GBF1: variants seen among roughly 807,000 people sequenced by gnomAD.
GBF1 encodes golgi brefeldin A resistant guanine nucleotide exchange factor 1.
GBF1 carries 114 observed loss-of-function variants against 210.5 expected under a neutral mutation model. The ratio of observed to expected loss-of-function variants is 0.54; its 90% CI spans 0.47 to 0.63. GBF1 has a LOEUF of 0.63. GBF1 is among the 30% of genes least tolerant of loss of function. The pLI, the probability that GBF1 is intolerant of heterozygous loss-of-function variation, is 0.00. For synonymous variants in GBF1, 850 were observed against 889.2 expected, an observed-to-expected ratio of 0.96 and a Z score of 0.78; for missense variants, 1,851 against 2,357.7, an observed-to-expected ratio of 0.79 and a Z score of 4.45.
intron 3 of GBF1, among the ~76,000 whole-genome samples, chr10:102,319,838 C>T (rs1302934297): frequency 6.7e-6 from 1 of 149,516 alleles, no homozygotes; most frequent in East Asian, 2.0e-4. Context: ...AAGCAATTTT[C>T]CTGCCTCTGC....
At chr10:102,348,956 C>A (rs1020772654) in intron 4 of GBF1, among the ~76,000 whole-genome samples, 3 of 152,102 alleles carry the variant, frequency 2.0e-5, no homozygotes, top group African/African-American at 4.8e-5. Context: ...CAAGACCAGC[C>A]TGGACAATAT....
rs773430635 is a variant in GBF1 at position 102,363,291 on chromosome 10, A to G, written c.1912A>G (p.Met638Val). Residue 638 changes from methionine to valine, a missense_variant, in exon 16 of 40, where the codon ATG becomes GTG. Met to Val is a conservative substitution (Grantham distance 21). This residue lies in a region of GBF1 where 804 missense variants were observed against 958.6 expected (regional missense o/e 0.84). Transcript: ENST00000369983. This position sits in a 1 kb window ranked among gnomAD's most constrained non-coding sequence, Gnocchi z 4.2. ...RTASDGKAVG[M>V]ASDIPGLHLP... ...TGCCAGCGATGGGAAAGCTGTAGGC[A>G]TGGCCTCAGACATCCCAGGCCTGCA... 6 of 1,613,688 alleles carry G rather than the reference A, an allele frequency of 3.7e-6. No individual in the cohort carries two copies. Among genetic ancestry groups the G allele is most frequent in the South Asian group, 1.1e-5 (1 of 91,034 alleles).
chr10:102,241,147 G>T (rs529360444), upstream of GBF1, among the ~76,000 whole-genome samples: 1 of 152,210 alleles, frequency 6.6e-6, no homozygotes, highest in South Asian at 2.1e-4. The surrounding 1 kb of genome is among the most constrained non-coding windows in gnomAD (Gnocchi z 6.7). Context: ...CCTATCCCCT[G>T]GTTCTTACCC....
intron 3 of GBF1, among the ~76,000 whole-genome samples, chr10:102,306,639 G>A (rs998310124): frequency 3.9e-5 from 6 of 152,166 alleles, no homozygotes; most frequent in African/African-American, 1.4e-4. Flanking sequence ...GGCCAGGTTG[G>A]TCTTGATCTC....
chr10:102,280,980 G>C (rs2075427132), intron 3 of GBF1, among the ~76,000 whole-genome samples: 1 of 151,932 alleles, frequency 6.6e-6, no homozygotes, highest in Non-Finnish European at 1.5e-5. Flanking sequence ...TTTTTCCCAG[G>C]GCAGAGCAGG....
At chr10:102,360,623 G>A (rs928060209) in intron 12 of GBF1, among the ~76,000 whole-genome samples, 14 of 152,310 alleles carry the variant, frequency 9.2e-5, no homozygotes, top group Admixed American at 7.2e-4. Context: ...GGACCTCAGT[G>A]ACACCTTCAC....
At position 102,340,482 on chromosome 10, in the gene GBF1, C is replaced by T. The variant is rs186010931; in HGVS notation, c.164-3569C>T. ...TAGAGACGGGGTTTCACCGTGTTAG[C>T]CAGGATGGTCTCGATCTCCTGACCT... On this transcript the variant is annotated intron_variant, in intron 3 of 39. Coordinates refer to ENST00000369983, the MANE Select transcript of GBF1 (RefSeq NM_001377137.1). Among the ~76,000 whole-genome samples, 277 of 151,976 alleles carry T rather than the reference C, an allele frequency of 1.8e-3. 5 individuals are homozygous for T. The East Asian group carries it at 0.04, about 22-fold the overall frequency.
intron 3 of GBF1, among the ~76,000 whole-genome samples, chr10:102,314,532 C>T (rs2078766678): frequency 6.6e-6 from 1 of 152,154 alleles, no homozygotes; most frequent in Non-Finnish European, 1.5e-5. Context: ...GCTTTCTCTA[C>T]AATTTAACTT....
rs552294569 is a variant in GBF1, at chr10:102,362,182, G to A, written c.1686+270G>A. The stretch of plus-strand genomic sequence containing the variant: ...CACCATTCTCCTGCCTCAGCCTCCC[G>A]AGTAGCTGGGACTACAGGTGCCCAC... On this transcript the variant is annotated intron_variant, in intron 14 of 39. Transcript: ENST00000369983. 3.4e-3 allele frequency among the ~76,000 whole-genome samples: 495 copies of A among 145,438 alleles called. 7 individuals are homozygous for A. Among genetic ancestry groups the A allele is most frequent in the African/African-American group, 0.012 (474 of 39,290 alleles).
chr10:102,232,766 G>A, the GBF1 span, among the ~76,000 whole-genome samples: 3 of 152,190 alleles, frequency 2.0e-5, no homozygotes, highest in Non-Finnish European at 4.4e-5. Flanking sequence ...CTTCTCACCT[G>A]AATGCTTAGT....
intron 3 of GBF1, among the ~76,000 whole-genome samples, chr10:102,290,673 A>G (rs1429534221): frequency 6.6e-6 from 1 of 151,792 alleles, no homozygotes; most frequent in African/African-American, 2.4e-5. Flanking sequence ...TAATTTCTAT[A>G]TATTAATATT....
the GBF1 span, among the ~76,000 whole-genome samples, chr10:102,234,645 C>T: frequency 2.0e-5 from 3 of 152,158 alleles, no homozygotes; most frequent in East Asian, 5.8e-4. Context: ...TTACTTCATA[C>T]CCCTTACTTC....
chr10:102,244,634 T>A (rs1040468861), upstream of GBF1, among the ~76,000 whole-genome samples: 35 of 152,170 alleles, frequency 2.3e-4, no homozygotes, highest in African/African-American at 8.0e-4. Context: ...AAGCTGCGTA[T>A]TTAGCCTGGT....
At chr10:102,314,050 C>T (rs2078715866) in intron 3 of GBF1, among the ~76,000 whole-genome samples, 1 of 145,834 alleles carries the variant, frequency 6.9e-6, no homozygotes, top group African/African-American at 2.5e-5. Context: ...CATGTAAAGT[C>T]AAAGAAGAGA....
At chr10:102,376,482 G>A in intron 31 of GBF1, 50 bp downstream of exon 31, 1 of 1,612,138 alleles carries the variant, frequency 6.2e-7, no homozygotes, top group Non-Finnish European at 8.5e-7. Context: ...TGACCTGTGG[G>A]AAGAATTCCT....
intron 3 of GBF1, among the ~76,000 whole-genome samples, chr10:102,298,367 T>A (rs2077077090): frequency 6.6e-6 from 1 of 152,218 alleles, no homozygotes; most frequent in Non-Finnish European, 1.5e-5. Context: ...TTTAAAAAAT[T>A]AAATAGAAAG....
chr10:102,324,968 G>A (rs1303747268), intron 3 of GBF1, among the ~76,000 whole-genome samples: 2 of 152,140 alleles, frequency 1.3e-5, no homozygotes, highest in Non-Finnish European at 2.9e-5. Flanking sequence ...AATTACATGA[G>A]TTGATGTGTA....
intron 17 of GBF1, 85 bp from the exon 18 acceptor site, chr10:102,365,312 G>A (rs2059852599): frequency 3.1e-6 from 3 of 967,892 alleles, no homozygotes; most frequent in Non-Finnish European, 1.6e-6. Context: ...CTGACCAACT[G>A]TGGGTGGGCT....
intron 3 of GBF1, among the ~76,000 whole-genome samples, chr10:102,301,564 C>T (rs1400733030): frequency 6.6e-6 from 1 of 151,766 alleles, no homozygotes; most frequent in Non-Finnish European, 1.5e-5. Context: ...AGCTGCCGGG[C>T]GGAGGGGCTC....
Sources: allele counts gnomAD v4.1 joint callset (sites outside exome capture counted in the v4.1 genomes callset), GRCh38; gene constraint gnomAD v4.1.1; regional missense constraint gnomAD v4.1.1; non-coding constraint Gnocchi (gnomAD v3.1); transcripts MANE v1.5; gene names NCBI Gene and HGNC (gene_info 2026-07-23, HGNC 2026-07-21).